The following PRKCH variants were observed in gnomAD, a reference collection of about 807,000 sequenced individuals.
The protein encoded by PRKCH is protein kinase C eta.
In PRKCH, 28 loss-of-function variants were observed where a neutral mutation model predicts 82.5. The observed-to-expected ratio is 0.34, with a 90% CI of 0.25 to 0.47. PRKCH has a LOEUF of 0.47. Among genes scored for constraint, PRKCH ranks in the 20% least tolerant of loss-of-function variants. PRKCH has a pLI of 1.00. For missense variants in PRKCH, 705 were observed against 881.8 expected (o/e 0.80, Z 2.54); for synonymous variants, 322 against 327.4 (o/e 0.98, Z 0.18).
chr14:61,416,237 G>T (rs763863236), intron 2 of PRKCH, among the ~76,000 whole-genome samples: 35 of 151,420 alleles, frequency 2.3e-4, no homozygotes, highest in Non-Finnish European at 4.0e-4. Context: ...TGTATTTTTT[G>T]TAGAGACAGG....
chr14:61,432,616 C>G (rs1040551235), intron 2 of PRKCH, among the ~76,000 whole-genome samples: 3 of 152,112 alleles, frequency 2.0e-5, no homozygotes, highest in Non-Finnish European at 4.4e-5. Flanking sequence ...ATTACAGGCA[C>G]GAGCCACTGC....
intron 1 of PRKCH, chr14:61,304,788 C>T (rs2045474470): frequency 6.6e-6 from 1 of 151,720 alleles, no homozygotes; most frequent in African/African-American, 2.4e-5. Context: ...TGCATCACTT[C>T]ACTCCAGTCT....
intron 2 of PRKCH, among the ~76,000 whole-genome samples, chr14:61,421,247 A>G (rs1424776458): frequency 2.0e-5 from 3 of 151,996 alleles, no homozygotes; most frequent in Non-Finnish European, 4.4e-5. Context: ...TTTTGTCATC[A>G]ATATATACAA....
chr14:61,226,796 C>G (rs1433746342), intron 1 of PRKCH, among the ~76,000 whole-genome samples: 2 of 152,172 alleles, frequency 1.3e-5, no homozygotes, highest in Non-Finnish European at 2.9e-5. Flanking sequence ...GTCCTATGTG[C>G]TGAGTGAACC....
chr14:61,501,171 A>G (rs1289306464), intron 10 of PRKCH, among the ~76,000 whole-genome samples: 1 of 152,186 alleles, frequency 6.6e-6, no homozygotes, highest in East Asian at 1.9e-4. Context: ...TGGCTTGCTT[A>G]TTCCAGTGTC....
intron 2 of PRKCH, among the ~76,000 whole-genome samples, chr14:61,439,597 G>A (rs1302219764): frequency 1.4e-5 from 2 of 146,656 alleles, no homozygotes; most frequent in African/African-American, 2.8e-5. Flanking sequence ...ACATTGAGGT[G>A]CACTCCCGGC....
At chr14:61,216,919 T>C (rs917464858) in intron 1 of PRKCH, among the ~76,000 whole-genome samples, 2 of 152,212 alleles carry the variant, frequency 1.3e-5, no homozygotes, top group African/African-American at 4.8e-5. Context: ...GGTTGCATAC[T>C]GTGGAATATT....
intron 2 of PRKCH, among the ~76,000 whole-genome samples, chr14:61,442,338 G>C (rs2140276008): frequency 6.6e-6 from 1 of 152,320 alleles, no homozygotes; most frequent in African/African-American, 2.4e-5. Flanking sequence ...CAGGTTAACA[G>C]AGGTGATCCT....
intron 1 of PRKCH, among the ~76,000 whole-genome samples, chr14:61,203,011 G>A (rs78277152): frequency 0.013 from 1,944 of 151,654 alleles, 35 homozygotes; most frequent in East Asian, 0.066. Flanking sequence ...GACTCCCTGC[G>A]CTCCACCTGT....
intron 2 of PRKCH, among the ~76,000 whole-genome samples, chr14:61,440,439 A>G (rs1422259996): frequency 6.6e-6 from 1 of 152,250 alleles, no homozygotes; most frequent in Non-Finnish European, 1.5e-5. Context: ...TGAGGCAGGT[A>G]TAATTTTAAC....
chr14:61,394,006 T>C (rs935081795), intron 2 of PRKCH, among the ~76,000 whole-genome samples: 1 of 152,220 alleles, frequency 6.6e-6, no homozygotes, highest in Non-Finnish European at 1.5e-5. Context: ...TTGGTCCATA[T>C]CAAGCTACTT....
At chr14:61,265,313 T>C (rs2045088510) in intron 1 of PRKCH, among the ~76,000 whole-genome samples, 1 of 151,998 alleles carries the variant, frequency 6.6e-6, no homozygotes, top group Non-Finnish European at 1.5e-5. Flanking sequence ...AAACCCTGTC[T>C]CTACAAAAAA....
At chr14:61,289,238 G>C (rs938859102) in intron 1 of PRKCH, among the ~76,000 whole-genome samples, 1 of 152,214 alleles carries the variant, frequency 6.6e-6, no homozygotes, top group African/African-American at 2.4e-5. Context: ...GGACCAGCAT[G>C]ATGAGAATCT....
intron 1 of PRKCH, among the ~76,000 whole-genome samples, chr14:61,331,844 A>G (rs1419490464): frequency 2.0e-5 from 3 of 152,244 alleles, no homozygotes; most frequent in Non-Finnish European, 4.4e-5. Flanking sequence ...AGTAACTCCT[A>G]AGAATTAAAT....
chr14:61,459,346 ATTAG>A (rs967155916), intron 9 of PRKCH, among the ~76,000 whole-genome samples: 1 of 152,230 alleles, frequency 6.6e-6, no homozygotes, highest in African/African-American at 2.4e-5. Context: ...GTGAATTAGA[ATTAG>A]TTAGGCAGAG....
At chr14:61,523,326 A>G (rs1300824639) in intron 10 of PRKCH, among the ~76,000 whole-genome samples, 4 of 152,236 alleles carry the variant, frequency 2.6e-5, no homozygotes, top group African/African-American at 9.6e-5. Context: ...TCCCTCTATC[A>G]TAGTGCCATC....
chr14:61,315,906 C>G (rs1344344146), intron 1 of PRKCH, among the ~76,000 whole-genome samples: 1 of 151,942 alleles, frequency 6.6e-6, no homozygotes, highest in South Asian at 2.1e-4. Context: ...TACCACCACG[C>G]CCAGCTAATT....
rs1884841831 is a variant in PRKCH, at chr14:61,457,682, A to G, written c.1278+3A>G. 3 of 1,613,820 alleles carry G rather than the reference A, an allele frequency of 1.9e-6. No homozygotes were observed. The highest frequency in any genetic ancestry group is 1.1e-5 in the South Asian group (1 of 91,064). On this transcript the variant is annotated splice_donor_region_variant and intron_variant, in intron 9 of 13. Transcript: ENST00000332981. ...TGTTCTGCTGCTTTCAGACCCCCGT[A>G]AGTATGAATCACATTCACTGCACCA...
At chr14:61,527,418 C>G (rs145843603) in intron 10 of PRKCH, among the ~76,000 whole-genome samples, 1 of 152,182 alleles carries the variant, frequency 6.6e-6, no homozygotes, top group Non-Finnish European at 1.5e-5. Context: ...TCTCTCTATC[C>G]GTCTATCTCT....
Sources: allele counts gnomAD v4.1 joint callset (sites outside exome capture counted in the v4.1 genomes callset), GRCh38; gene constraint gnomAD v4.1.1; transcripts MANE v1.5; gene names NCBI Gene and HGNC (gene_info 2026-07-23, HGNC 2026-07-21).